The following RBFOX1 variants were observed in gnomAD, a reference collection of about 807,000 sequenced individuals.
RBFOX1 encodes the protein RNA binding fox-1 homolog 1.
Under a neutral mutation model 57.7 loss-of-function variants are expected in RBFOX1, and 8 were observed. The observed-to-expected ratio is 0.14, with a 90% confidence interval of 0.08 to 0.25. The LOEUF (loss-of-function observed/expected upper bound fraction) is 0.25, where lower values mean the gene tolerates loss of function less well. RBFOX1 is among the 10% of genes least tolerant of loss of function. The pLI, the probability that RBFOX1 is intolerant of heterozygous loss-of-function variation, is 1.00. For synonymous variants in RBFOX1, 326 were observed against 222.4 expected (o/e 1.47, Z -4.15); for missense variants, 611 against 548.5 (o/e 1.11, Z -1.14).
intron 1 of RBFOX1, among the ~76,000 whole-genome samples, chr16:6,035,981 C>G (rs761224558): frequency 1.3e-5 from 2 of 152,154 alleles, no homozygotes; most frequent in Non-Finnish European, 2.9e-5. Flanking sequence ...AAGAATACTC[C>G]TCTTTCCTGA....
At chr16:5,828,614 G>A (rs1317644667) in intron 3 of RBFOX1, among the ~76,000 whole-genome samples, 2 of 152,238 alleles carry the variant, frequency 1.3e-5, no homozygotes, top group African/African-American at 4.8e-5. Flanking sequence ...CAGGAGGATC[G>A]GTTGAACCCA....
At chr16:6,927,795 AC>A (rs940347341) in intron 3 of RBFOX1, among the ~76,000 whole-genome samples, 1 of 152,186 alleles carries the variant, frequency 6.6e-6, no homozygotes, top group Non-Finnish European at 1.5e-5. Flanking sequence ...GAATTAAGCC[AC>A]CACCCTAAAG....
At chr16:6,895,442 GTGTGTGTATATATATATATATATATA>G (rs1194176555) in intron 3 of RBFOX1, among the ~76,000 whole-genome samples, 1 of 78,662 alleles carries the variant, frequency 1.3e-5, no homozygotes, top group Admixed American at 1.3e-4. Context: ...GTGTGTGTGT[GTGTGTGTATATATATATATATATATA>G]TATATATATA....
intron 4 of RBFOX1, among the ~76,000 whole-genome samples, chr16:7,237,529 G>A (rs2093829998): frequency 6.6e-6 from 1 of 152,208 alleles, no homozygotes; most frequent in Admixed American, 6.5e-5. Flanking sequence ...AATGAGAAAA[G>A]TGAAAAGCAA....
At chr16:7,598,903 A>T (rs966245271) in intron 9 of RBFOX1, among the ~76,000 whole-genome samples, 6 of 152,216 alleles carry the variant, frequency 3.9e-5, no homozygotes, top group African/African-American at 1.4e-4. Flanking sequence ...CTAGCAATGT[A>T]TTATCATTTG....
intron 2 of RBFOX1, among the ~76,000 whole-genome samples, chr16:6,451,415 T>G (rs995566973): frequency 2.0e-5 from 3 of 152,156 alleles, no homozygotes; most frequent in Non-Finnish European, 4.4e-5. Flanking sequence ...TTAGGTAATC[T>G]TCTTATCTCC....
At chr16:7,651,615 A>T (rs962232704) in intron 11 of RBFOX1, among the ~76,000 whole-genome samples, 1 of 152,236 alleles carries the variant, frequency 6.6e-6, no homozygotes, top group Non-Finnish European at 1.5e-5. Context: ...TGAAGCTGAT[A>T]GCGGGAAGGG....
At chr16:5,976,689 T>G (rs1000179080) in intron 4 of RBFOX1, among the ~76,000 whole-genome samples, 1 of 152,146 alleles carries the variant, frequency 6.6e-6, no homozygotes, top group African/African-American at 2.4e-5. Context: ...GCCAATATGG[T>G]GAAACCTTGT....
intron 2 of RBFOX1, among the ~76,000 whole-genome samples, chr16:6,645,831 G>C (rs1387810265): frequency 6.6e-6 from 1 of 152,142 alleles, no homozygotes; most frequent in Admixed American, 6.5e-5. Context: ...AGGCAACCAT[G>C]ATTGTTAATA....
Position 6,637,457 on chromosome 16 carries a change from A to ATATCC in RBFOX1, c.-63-17143_-63-17142insCCTAT, listed in dbSNP as rs1305176439. ...ATATAAATATATGTAAATGTATATA[A>ATATCC]TATGTATTATATATTATATATAATA... On this transcript the variant is annotated intron_variant, in intron 2 of 15. Transcript: ENST00000550418. 9.3e-3 allele frequency among the ~76,000 whole-genome samples: 539 copies of ATATCC among 58,074 alleles called. 39 individuals carry two copies. Among genetic ancestry groups the ATATCC allele is most frequent in the Non-Finnish European group, 0.013 (350 of 27,932 alleles). 38.1% of individuals were successfully genotyped at this position (58,074 alleles called of 152,430 possible).
chr16:7,613,785 G>C (rs940487842), intron 10 of RBFOX1, among the ~76,000 whole-genome samples: 4 of 151,862 alleles, frequency 2.6e-5, no homozygotes, highest in Non-Finnish European at 5.9e-5. Flanking sequence ...CATACTTTTA[G>C]CTGTACCTCT....
intron 1 of RBFOX1, among the ~76,000 whole-genome samples, chr16:5,336,933 C>T (rs966204995): frequency 6.6e-6 from 1 of 152,240 alleles, no homozygotes; most frequent in Non-Finnish European, 1.5e-5. Context: ...CTATTCTCCT[C>T]CTGGCTGCAT....
intron 5 of RBFOX1, among the ~76,000 whole-genome samples, chr16:7,573,040 G>A (rs1428836201): frequency 6.6e-6 from 1 of 152,102 alleles, no homozygotes; most frequent in East Asian, 1.9e-4. Context: ...AAGAAGAGAT[G>A]TATGCTGTGA....
Position 5,368,759 on chromosome 16 carries a change from C to T in RBFOX1, c.220-98457C>T, listed in dbSNP as rs560685165. Among the ~76,000 whole-genome samples the T allele has an allele frequency of 2.0e-5, 3 of 151,948 alleles. No homozygotes were observed. In the South Asian group the frequency reaches 6.2e-4, roughly 32 times the overall value. Reference sequence around the variant, plus strand: ...AGTGACCTCTCTAAGCAGGGGGTCTCAGCGTTGATTTTTTCCCTTTAACTC... The same window carrying T: ...AGTGACCTCTCTAAGCAGGGGGTCTTAGCGTTGATTTTTTCCCTTTAACTC... On this transcript the variant is annotated intron_variant, in intron 1 of 2. Coordinates refer to the RBFOX1 transcript ENST00000585867.
rs996568409 is a variant in RBFOX1 at position 6,019,604 on chromosome 16, A to G, written c.-515A>G. Reference sequence around the variant, plus strand: ...CGCCTCCGGGGCTGAAGAAGGAAGGAGTGAGCCGAGCCGAGCACCCCACAT... The same window carrying G: ...CGCCTCCGGGGCTGAAGAAGGAAGGGGTGAGCCGAGCCGAGCACCCCACAT... On this transcript the variant is annotated 5_prime_UTR_variant, in exon 1 of 16. Transcript: ENST00000550418. This position sits in a 1 kb window ranked among gnomAD's most constrained non-coding sequence, Gnocchi z 4.2. 1.6e-6 allele frequency: 2 copies of G among 1,222,996 alleles called. No homozygotes were observed. Among genetic ancestry groups the G allele is most frequent in the Non-Finnish European group, 2.0e-6 (2 of 980,918 alleles). 75.8% of individuals were successfully genotyped at this position (1,222,996 alleles called of 1,614,324 possible). A position where few individuals can be genotyped will look rare whatever the true frequency, so the allele number is the denominator to read the frequency against.
At chr16:5,645,896 G>A (rs768430419) in intron 3 of RBFOX1, among the ~76,000 whole-genome samples, 34 of 152,120 alleles carry the variant, frequency 2.2e-4, no homozygotes, top group Admixed American at 8.5e-4. Flanking sequence ...ATGCAATGGC[G>A]TGCATCATAG....
At chr16:7,410,417 C>G (rs1043134161) in intron 4 of RBFOX1, among the ~76,000 whole-genome samples, 1 of 152,328 alleles carries the variant, frequency 6.6e-6, no homozygotes. Flanking sequence ...CGTGATGGCT[C>G]ACGCCTGTAA....
At chr16:7,433,213 T>C (rs535003766) in intron 4 of RBFOX1, among the ~76,000 whole-genome samples, 1 of 152,342 alleles carries the variant, frequency 6.6e-6, no homozygotes, top group African/African-American at 2.4e-5. Flanking sequence ...GTCTTTAATA[T>C]GCAAAAAGGT....
intron 1 of RBFOX1, among the ~76,000 whole-genome samples, chr16:5,246,319 T>C (rs2062298647): frequency 1.3e-5 from 2 of 152,238 alleles, no homozygotes; most frequent in Non-Finnish European, 2.9e-5. Flanking sequence ...TCTTGTTTTT[T>C]GGAGTTGTTG....
Sources: allele counts gnomAD v4.1 joint callset (sites outside exome capture counted in the v4.1 genomes callset), GRCh38; gene constraint gnomAD v4.1.1; non-coding constraint Gnocchi (gnomAD v3.1); transcripts MANE v1.5; gene names NCBI Gene and HGNC (gene_info 2026-07-23, HGNC 2026-07-21).